Variants in ICA1 observed in about 807,000 individuals in gnomAD.
The protein encoded by ICA1 is islet cell autoantigen 1, also known as 69 kDa islet cell autoantigen.
In ICA1, 40 loss-of-function variants were observed where a neutral mutation model predicts 71.0. That is an observed-to-expected ratio of 0.56 (90% confidence interval 0.44 to 0.73). The LOEUF (loss-of-function observed/expected upper bound fraction) is 0.73, where lower values mean the gene tolerates loss of function less well. Among genes scored for constraint, ICA1 ranks in the 30% least tolerant of loss-of-function variants. The pLI is 0.00. For synonymous variants in ICA1, 207 were observed against 209.5 expected (o/e 0.99, Z 0.10); for missense variants, 578 against 576.5 (o/e 1.00, Z -0.03).
chr7:8,180,169 T>C (rs933147262), intron 6 of ICA1, among the ~76,000 whole-genome samples: 1 of 152,060 alleles, frequency 6.6e-6, no homozygotes, highest in African/African-American at 2.4e-5. Context: ...AAGACTCCCT[T>C]GTATTCTATC....
intron 6 of ICA1, among the ~76,000 whole-genome samples, chr7:8,190,412 G>A (rs1323549468): frequency 3.3e-5 from 5 of 152,062 alleles, no homozygotes; most frequent in Non-Finnish European, 7.4e-5. Context: ...TGTTGTAAAA[G>A]TAAATGTACA....
At chr7:8,202,335 G>A (rs924569711) in intron 6 of ICA1, among the ~76,000 whole-genome samples, 5 of 152,256 alleles carry the variant, frequency 3.3e-5, no homozygotes, top group Non-Finnish European at 7.4e-5. Flanking sequence ...CTCTCTAAGC[G>A]TCAAAATCCT....
At chr7:8,256,917 A>T (rs1443886283) in intron 1 of ICA1, among the ~76,000 whole-genome samples, 2 of 152,234 alleles carry the variant, frequency 1.3e-5, no homozygotes, top group African/African-American at 2.4e-5. Flanking sequence ...ACACATTATG[A>T]AGGGGATATC....
At chr7:8,219,872 G>A (rs1481482744) in intron 5 of ICA1, among the ~76,000 whole-genome samples, 5 of 152,124 alleles carry the variant, frequency 3.3e-5, no homozygotes, top group Non-Finnish European at 5.9e-5. Context: ...CTTTGCCTAA[G>A]AATTTTTCTC....
chr7:8,210,551 A>G (rs970391727), intron 6 of ICA1, among the ~76,000 whole-genome samples: 1 of 152,192 alleles, frequency 6.6e-6, no homozygotes, highest in African/African-American at 2.4e-5. Flanking sequence ...AGACCACTAT[A>G]TAATTTCCTA....
intron 1 of ICA1, among the ~76,000 whole-genome samples, chr7:8,251,362 T>C (rs1808134073): frequency 6.6e-6 from 1 of 151,118 alleles, no homozygotes; most frequent in African/African-American, 2.4e-5. Flanking sequence ...AAATAAAAGC[T>C]GGTAAATCCA....
Position 8,113,807 on chromosome 7 carries a change from T to C in ICA1, c.*116A>G. The C allele has an allele frequency of 8.6e-7, 1 of 1,164,356 alleles. No individual in the cohort carries two copies. The highest frequency in any genetic ancestry group is 1.3e-6 in the Non-Finnish European group (1 of 795,256). The allele number at this position is 1,164,356 out of a possible 1,614,324, so 72.1% of individuals were successfully genotyped here. On this transcript the variant is annotated 3_prime_UTR_variant, in exon 14 of 14. Transcript: ENST00000402384. The surrounding 1 kb of genome is among the most constrained non-coding windows in gnomAD (Gnocchi z 4.2). ...ATAAACAGGGCCGTTGACCCTTTCA[T>C]TTTATTAAAATGGCACATAATTATT...
chr7:8,209,014 GAAATTCTAGAAGCCAAGCTT>G (rs1792660560), intron 6 of ICA1, among the ~76,000 whole-genome samples: 1 of 152,190 alleles, frequency 6.6e-6, no homozygotes, highest in African/African-American at 2.4e-5. Context: ...TGTCATCCAT[GAAATTCTAGAAGCCAAGCTT>G]GCATGTGCCA....
At chr7:8,235,826 G>T in intron 2 of ICA1, 84 bp downstream of exon 2, 1 of 1,412,396 alleles carries the variant, frequency 7.1e-7, no homozygotes, top group Non-Finnish European at 1.0e-6. Flanking sequence ...TGTATCTCTT[G>T]TTTTTCCATT....
chr7:8,258,944 C>T (rs780365793), intron 1 of ICA1, among the ~76,000 whole-genome samples: 4 of 152,098 alleles, frequency 2.6e-5, no homozygotes, highest in Non-Finnish European at 5.9e-5. Context: ...TTGAGTATCA[C>T]ATAAGATCAT....
intron 1 of ICA1, among the ~76,000 whole-genome samples, chr7:8,256,408 C>T (rs1166050064): frequency 6.6e-6 from 1 of 152,144 alleles, no homozygotes; most frequent in Non-Finnish European, 1.5e-5. Context: ...AGAACTATTC[C>T]CTCTGCGCAT....
chr7:8,215,833 C>CTG (rs1795235389), intron 6 of ICA1, among the ~76,000 whole-genome samples: 2 of 152,218 alleles, frequency 1.3e-5, no homozygotes, highest in Non-Finnish European at 2.9e-5. Flanking sequence ...CCCCCTCCCA[C>CTG]AGTCACTCCT....
chr7:8,194,646 G>A (rs1786798323), intron 6 of ICA1, among the ~76,000 whole-genome samples: 1 of 152,162 alleles, frequency 6.6e-6, no homozygotes, highest in South Asian at 2.1e-4. Flanking sequence ...TACGGGCAAA[G>A]GTTTATGTAC....
At chr7:8,124,250 A>G (rs1292195415) in intron 13 of ICA1, among the ~76,000 whole-genome samples, 2 of 150,318 alleles carry the variant, frequency 1.3e-5, no homozygotes, top group African/African-American at 2.5e-5. Flanking sequence ...CCTCCCAAGT[A>G]GCTGGGACTA....
In ICA1 at chr7:8,234,925, G is replaced by C. The variant is rs976122017; in HGVS notation, c.17+985C>G. Among the ~76,000 whole-genome samples the C allele has an allele frequency of 7.9e-5, 12 of 152,252 alleles. No homozygotes were observed. Among genetic ancestry groups the C allele is most frequent in the Admixed American group, 7.2e-4 (11 of 15,282 alleles). On this transcript the variant is annotated intron_variant, in intron 2 of 13. Coordinates refer to ENST00000402384, the MANE Select transcript of ICA1 (RefSeq NM_001136020.3). The surrounding 1 kb of genome is among the most constrained non-coding windows in gnomAD (Gnocchi z 4.5). The stretch of plus-strand genomic sequence containing the variant: ...TCATGCCTGTAATCCCAGCACTTTG[G>C]GAGGCTGAGGTGGGCAGATCATGAG...
chr7:8,239,688 C>T (rs1392840503), intron 1 of ICA1, among the ~76,000 whole-genome samples: 2 of 152,336 alleles, frequency 1.3e-5, no homozygotes, highest in East Asian at 1.9e-4. Flanking sequence ...CGGGACACTG[C>T]CGCCCAAATA....
At chr7:8,124,183 G>C (rs1032808939) in intron 13 of ICA1, among the ~76,000 whole-genome samples, 4 of 148,412 alleles carry the variant, frequency 2.7e-5, no homozygotes, top group Non-Finnish European at 3.0e-5. Flanking sequence ...TGCAGTGGCG[G>C]GATCTCGGCT....
At chr7:8,244,065 G>T (rs1206135604) in intron 1 of ICA1, among the ~76,000 whole-genome samples, 1 of 152,074 alleles carries the variant, frequency 6.6e-6, no homozygotes, top group Non-Finnish European at 1.5e-5. Context: ...CTACTTTAAA[G>T]TTCATATGGA....
At chr7:8,230,615 T>C (rs552768989) in intron 3 of ICA1, among the ~76,000 whole-genome samples, 1 of 152,380 alleles carries the variant, frequency 6.6e-6, no homozygotes, top group African/African-American at 2.4e-5. Flanking sequence ...TTAATATATT[T>C]GTAATTAACA....
Sources: gnomAD v4.1 joint callset for allele counts (sites outside exome capture counted in the v4.1 genomes callset) on GRCh38, gnomAD v4.1.1 for gene constraint, Gnocchi (gnomAD v3.1) non-coding constraint, MANE v1.5 for transcripts, NCBI Gene and HGNC (gene_info 2026-07-23, HGNC 2026-07-21) for gene names.